Variants in RPS6KC1 observed in about 807,000 individuals in gnomAD.
RPS6KC1 encodes the protein ribosomal protein S6 kinase C1.
Under a neutral mutation model 103.8 loss-of-function variants are expected in RPS6KC1, and 54 were observed. That is an observed-to-expected ratio of 0.52 (90% CI 0.42 to 0.65). RPS6KC1 has a LOEUF of 0.65. Ranked by LOEUF, RPS6KC1 falls within the 30% of genes least tolerant of loss-of-function variation. RPS6KC1 has a pLI of 0.00. For synonymous variants in RPS6KC1, 439 were observed against 438.7 expected, an observed-to-expected ratio of 1.00 and a Z score of -0.01; for missense variants, 1,151 against 1,253.8, an observed-to-expected ratio of 0.92 and a Z score of 1.24.
chr1:213,737,484 A>G, the RPS6KC1 span, among the ~76,000 whole-genome samples: 1 of 152,240 alleles, frequency 6.6e-6, no homozygotes, highest in Non-Finnish European at 1.5e-5. Flanking sequence ...TCAAAACAAC[A>G]TGGGGACAAG....
the RPS6KC1 span, among the ~76,000 whole-genome samples, chr1:213,594,354 A>G: frequency 3.3e-5 from 5 of 152,228 alleles, no homozygotes; most frequent in Non-Finnish European, 7.3e-5. Flanking sequence ...TTTTATATTG[A>G]TTACATGTTG....
the RPS6KC1 span, among the ~76,000 whole-genome samples, chr1:213,668,636 A>G: frequency 4.1e-4 from 62 of 152,230 alleles, no homozygotes; most frequent in East Asian, 1.4e-3. Flanking sequence ...GATCCAGCCT[A>G]TCTTTTGAAG....
At chr1:213,725,553 T>C in the RPS6KC1 span, among the ~76,000 whole-genome samples, 28 of 152,226 alleles carry the variant, frequency 1.8e-4, no homozygotes, top group Non-Finnish European at 3.5e-4. Context: ...CTGCTGTGGG[T>C]ACTGCTTCAA....
At chr1:213,588,497 C>T in the RPS6KC1 span, among the ~76,000 whole-genome samples, 2 of 152,072 alleles carry the variant, frequency 1.3e-5, no homozygotes, top group Admixed American at 1.3e-4. Context: ...GACGGGGTTT[C>T]ACTATGTTAG....
chr1:213,112,688 A>G (rs1252986779), intron 4 of RPS6KC1, among the ~76,000 whole-genome samples: 3 of 151,904 alleles, frequency 2.0e-5, no homozygotes, highest in African/African-American at 4.8e-5. Context: ...AGCATTAGGT[A>G]TATCTCCCAA....
the RPS6KC1 span, among the ~76,000 whole-genome samples, chr1:213,524,570 G>T: frequency 6.6e-6 from 1 of 152,164 alleles, no homozygotes; most frequent in Non-Finnish European, 1.5e-5. Flanking sequence ...CTATCTCTCT[G>T]GTGTGGAAAG....
the RPS6KC1 span, among the ~76,000 whole-genome samples, chr1:213,334,014 C>T: frequency 6.6e-6 from 1 of 152,108 alleles, no homozygotes; most frequent in Non-Finnish European, 1.5e-5. Context: ...CTAGAAGAGG[C>T]ACTCAGTGGA....
chr1:213,082,302 G>T (rs921179780), intron 3 of RPS6KC1, among the ~76,000 whole-genome samples: 2 of 152,040 alleles, frequency 1.3e-5, no homozygotes, highest in African/African-American at 4.8e-5. Flanking sequence ...GTGGTGGCAG[G>T]TGCCTGTAGT....
chr1:213,400,710 T>C, the RPS6KC1 span, among the ~76,000 whole-genome samples: 1 of 150,334 alleles, frequency 6.7e-6, no homozygotes, highest in African/African-American at 2.5e-5. Flanking sequence ...TTTCTTTCTC[T>C]CTTTTTTTTT....
At chr1:213,288,886 T>A in the RPS6KC1 span, among the ~76,000 whole-genome samples, 1 of 152,160 alleles carries the variant, frequency 6.6e-6, no homozygotes, top group Non-Finnish European at 1.5e-5. Flanking sequence ...GGACATCATC[T>A]CTCCACCCTT....
rs1429939292 is a variant in RPS6KC1 at position 213,230,536 on chromosome 1, A to G, written c.1084A>G (p.Ile362Val). 6.2e-7 allele frequency: 1 copy of G among 1,605,096 alleles called. No individual in the cohort carries two copies. Among genetic ancestry groups the G allele is most frequent in the Non-Finnish European group, 8.5e-7 (1 of 1,175,332 alleles). The change falls in exon 9 of 15, where the codon ATT (isoleucine) becomes GTT (valine). Residue 362 changes from isoleucine to valine, a missense_variant. This residue lies in a region of RPS6KC1 where 959 missense variants were observed against 1,006.3 expected (regional missense o/e 0.95). Transcript: ENST00000366960. ...GGACACAAGGACAGAACAGACTTTC[A>G]TTTTAAAAGTAAGTAAAATTTGTAG... ...VMDTRTEQTF[I>V]LKGLRKSSEY...
At chr1:213,080,246 G>T (rs61834093) in intron 3 of RPS6KC1, among the ~76,000 whole-genome samples, 1 of 151,796 alleles carries the variant, frequency 6.6e-6, no homozygotes, top group Non-Finnish European at 1.5e-5. Flanking sequence ...CAACTTTTAC[G>T]TATCTATTGA....
the RPS6KC1 span, among the ~76,000 whole-genome samples, chr1:213,809,001 C>A: frequency 1.3e-5 from 2 of 152,194 alleles, no homozygotes; most frequent in African/African-American, 2.4e-5. Context: ...AGGACTTTTC[C>A]TTGCATTCAC....
chr1:213,265,292 A>G (rs1202369896), intron 14 of RPS6KC1, among the ~76,000 whole-genome samples: 1 of 152,228 alleles, frequency 6.6e-6, no homozygotes, highest in Non-Finnish European at 1.5e-5. Flanking sequence ...CTATAGATTT[A>G]TACTTGCAGA....
At chr1:213,346,525 A>G in the RPS6KC1 span, among the ~76,000 whole-genome samples, 1 of 152,214 alleles carries the variant, frequency 6.6e-6, no homozygotes, top group East Asian at 1.9e-4. Context: ...GATCATAAAG[A>G]CAGAAAGTAG....
the RPS6KC1 span, among the ~76,000 whole-genome samples, chr1:213,841,661 G>A: frequency 6.6e-6 from 1 of 152,144 alleles, no homozygotes; most frequent in Non-Finnish European, 1.5e-5. Context: ...ACATGTTTCT[G>A]CACAAGGGCA....
At chr1:213,573,334 A>C in the RPS6KC1 span, among the ~76,000 whole-genome samples, 1 of 152,338 alleles carries the variant, frequency 6.6e-6, no homozygotes, top group South Asian at 2.1e-4. Context: ...AATGGAAGCC[A>C]TTGAAGAAAA....
At chr1:213,795,411 C>T in the RPS6KC1 span, among the ~76,000 whole-genome samples, 1 of 152,172 alleles carries the variant, frequency 6.6e-6, no homozygotes, top group Admixed American at 6.6e-5. Context: ...AGCCCATAGC[C>T]TTCATAGCAT....
chr1:213,675,080 C>A, the RPS6KC1 span, among the ~76,000 whole-genome samples: 2 of 152,170 alleles, frequency 1.3e-5, no homozygotes, highest in Non-Finnish European at 2.9e-5. Context: ...TTCTCTCATT[C>A]TGCAGGTTGT....
Sources: gnomAD v4.1 joint callset for allele counts (sites outside exome capture counted in the v4.1 genomes callset) on GRCh38, gnomAD v4.1.1 for gene constraint, gnomAD v4.1.1 regional missense constraint, MANE v1.5 for transcripts, NCBI Gene and HGNC (gene_info 2026-07-23, HGNC 2026-07-21) for gene names.